EMX1: variants seen among roughly 807,000 people sequenced by gnomAD.
The protein encoded by EMX1 is homeobox protein EMX1.
A neutral mutation model predicts 20.1 loss-of-function variants in EMX1; 10 were observed. The ratio of observed to expected loss-of-function variants is 0.50; its 90% CI spans 0.31 to 0.84. The LOEUF (loss-of-function observed/expected upper bound fraction) is 0.84. Ranked by LOEUF, EMX1 falls within the 40% of genes least tolerant of loss-of-function variation. The pLI is 0.05. For synonymous variants in EMX1, 250 were observed against 200.4 expected, an observed-to-expected ratio of 1.25 and a Z score of -2.09; for missense variants, 424 against 431.9, an observed-to-expected ratio of 0.98 and a Z score of 0.16.
chr2:72,925,642 T>G, intron 2 of EMX1: 1 of 1,174,970 alleles, frequency 8.5e-7, no homozygotes, highest in Non-Finnish European at 1.1e-6. Context: ...CCCTCCCAAG[T>G]CCCGGGCAGT....
chr2:72,925,130 T>C (rs1573898028), intron 2 of EMX1, among the ~76,000 whole-genome samples: 1 of 152,128 alleles, frequency 6.6e-6, no homozygotes. Flanking sequence ...GAAGCCACGG[T>C]GTGCGCGCGC....
In EMX1 at chr2:72,926,209, C is replaced by T. The variant is rs191978870; in HGVS notation, c.705+1716C>T. 3.2e-4 allele frequency: 320 copies of T among 985,384 alleles called. 2 individuals are homozygous for T. In the African/African-American group the frequency reaches 5.3e-3, roughly 16 times the overall value. The allele number at this position is 985,384 out of a possible 1,614,324, so 61.0% of individuals were successfully genotyped here. A position where few individuals can be genotyped will look rare whatever the true frequency, so the allele number is the denominator to read the frequency against. On this transcript the variant is annotated intron_variant, in intron 2 of 2. Transcript: ENST00000258106. ...TGTTTTTAAACTTTCAATTTTTTAG[C>T]TCAGTGAGAGCATTTTTAATTAACT...
At chr2:72,916,940 G>A (rs930739075), upstream of EMX1, 14 of 717,236 alleles carry the variant, frequency 2.0e-5, no homozygotes, top group Non-Finnish European at 3.1e-5. Flanking sequence ...GCAGTGCCCC[G>A]CCTGGCCCCT....
chr2:72,919,129 C>T (rs571032731), intron 1 of EMX1, among the ~76,000 whole-genome samples: 1 of 151,710 alleles, frequency 6.6e-6, no homozygotes, highest in South Asian at 2.1e-4. Context: ...GTCCGAACCC[C>T]GGAGTTTGCA....
upstream of EMX1, chr2:72,917,357 G>C (rs1670982488): frequency 2.9e-6 from 1 of 350,124 alleles, no homozygotes; most frequent in South Asian, 6.9e-5. Context: ...AGTGGCGAGG[G>C]GAGGAGGAGG....
chr2:72,923,363 G>A (rs1671134798), intron 1 of EMX1: 2 of 152,216 alleles, frequency 1.3e-5, no homozygotes, highest in African/African-American at 2.4e-5. Flanking sequence ...ATATATTAGA[G>A]AGAAAGATGA....
chr2:72,927,434 A>G (rs1346889291), intron 2 of EMX1, among the ~76,000 whole-genome samples: 2 of 151,920 alleles, frequency 1.3e-5, no homozygotes, highest in Non-Finnish European at 2.9e-5. Context: ...TCTACATTCT[A>G]CTTCTCTGTG....
intron 1 of EMX1, among the ~76,000 whole-genome samples, chr2:72,923,051 T>G (rs1393014321): frequency 6.6e-6 from 1 of 152,194 alleles, no homozygotes; most frequent in Non-Finnish European, 1.5e-5. Flanking sequence ...TCTGTTAGCA[T>G]GTGCAACCAA....
intron 1 of EMX1, 36 bp downstream of exon 1, chr2:72,918,408 C>T (rs752281542): frequency 7.3e-7 from 1 of 1,361,678 alleles, no homozygotes; most frequent in Non-Finnish European, 9.4e-7. Context: ...AGGCGGCCGG[C>T]CGGCGCCCGT....
At chr2:72,924,204 C>G in intron 1 of EMX1, 105 bp from the exon 2 acceptor site, 2 of 1,394,470 alleles carry the variant, frequency 1.4e-6, no homozygotes, top group Non-Finnish European at 9.8e-7. Flanking sequence ...GAGGGCAGGG[C>G]GCTTGGGAGC....
chr2:72,924,573 G>T, intron 2 of EMX1, 80 bp downstream of exon 2: 1 of 1,437,450 alleles, frequency 7.0e-7, no homozygotes, highest in Non-Finnish European at 9.2e-7. Context: ...GAGAGGCCCT[G>T]AGCCCGCCCC....
At position 72,918,357 on chromosome 2, in the gene EMX1, G is replaced by A. The variant is rs1266849048; in HGVS notation, c.505G>A (p.Gly169Ser). ...CTGGGTCCTGCGGAACCGCTTCTTC[G>A]GCCACCGCTTCCAGGGTGAGTGTCC... ...YPWVLRNRFF[G>S]HRFQASDVPQ... The change falls in exon 1 of 3, where the codon GGC becomes AGC. Residue 169 changes from glycine to serine, a missense_variant. Coordinates refer to ENST00000258106, the MANE Select transcript of EMX1 (RefSeq NM_004097.3). 1 of 1,472,466 alleles carries A rather than the reference G, an allele frequency of 6.8e-7. No homozygotes were observed. The highest frequency in any genetic ancestry group is 8.9e-7 in the Non-Finnish European group (1 of 1,118,932). 91.2% of individuals were successfully genotyped at this position (1,472,466 alleles called of 1,614,324 possible). A position where few individuals can be genotyped will look rare whatever the true frequency, so the allele number is the denominator to read the frequency against.
upstream of EMX1, chr2:72,917,485 C>G (rs536312355): frequency 5.3e-6 from 1 of 188,050 alleles, no homozygotes; most frequent in African/African-American, 2.3e-5. Context: ...AGGTGAGCGG[C>G]GGCCAATGGG....
intron 1 of EMX1, among the ~76,000 whole-genome samples, chr2:72,922,185 C>T (rs1671115035): frequency 6.6e-6 from 1 of 152,218 alleles, no homozygotes. Flanking sequence ...GTTCATTTGT[C>T]CAGAGGAAAC....
chr2:72,916,793 G>T (rs979129871), upstream of EMX1: 10 of 717,248 alleles, frequency 1.4e-5, no homozygotes, highest in Middle Eastern at 2.3e-4. Context: ...AGAAGGCGAG[G>T]GGGTGGATCT....
intron 2 of EMX1, among the ~76,000 whole-genome samples, chr2:72,929,696 G>A (rs1026316542): frequency 9.9e-5 from 15 of 152,198 alleles, no homozygotes; most frequent in African/African-American, 4.8e-5. Context: ...TCCAGACCTC[G>A]TTCATTCAGA....
chr2:72,917,018 G>C (rs752470307), upstream of EMX1: 2 of 692,982 alleles, frequency 2.9e-6, no homozygotes, highest in African/African-American at 1.8e-5. Flanking sequence ...CGAAACCTCA[G>C]GAACAAGGTC....
chr2:72,916,536 G>A, upstream of EMX1: 1 of 606,592 alleles, frequency 1.6e-6, no homozygotes, highest in South Asian at 1.9e-5. Context: ...AGCCTGTCGT[G>A]AGAACTGCCC....
Position 72,934,277 on chromosome 2 carries a change from G to A in EMX1, c.*323G>A. 1 of 294,662 alleles carries A rather than the reference G, an allele frequency of 3.4e-6. No individual in the cohort carries two copies. The highest frequency in any genetic ancestry group is 6.4e-6 in the Non-Finnish European group (1 of 156,206). The allele number at this position is 294,662 out of a possible 1,614,324, so 18.3% of individuals were successfully genotyped here. On this transcript the variant is annotated 3_prime_UTR_variant, in exon 3 of 3. Transcript: ENST00000258106. ...ATTTCTGTTTTAATTTATTTTCCAGGCACCACTGTAGTTTAGTGATCCCCA... is the reference window on the plus strand; with the variant it reads ...ATTTCTGTTTTAATTTATTTTCCAGACACCACTGTAGTTTAGTGATCCCCA...
Sources: allele counts gnomAD v4.1 joint callset (sites outside exome capture counted in the v4.1 genomes callset), GRCh38; gene constraint gnomAD v4.1.1; transcripts MANE v1.5; gene names NCBI Gene and HGNC (gene_info 2026-07-23, HGNC 2026-07-21).